The following YWHAG variants were observed in gnomAD, a reference collection of about 807,000 sequenced individuals.
YWHAG encodes the protein 14-3-3 protein gamma.
A neutral mutation model predicts 23.3 loss-of-function variants in YWHAG; 1 was observed. The observed-to-expected ratio is 0.04, with a 90% CI of 0.02 to 0.20. The LOEUF is 0.20. YWHAG is among the 10% of genes least tolerant of loss of function. The pLI is 1.00. For synonymous variants in YWHAG, 160 were observed against 144.0 expected, an observed-to-expected ratio of 1.11 and a Z score of -0.80; for missense variants, 151 against 338.6, an observed-to-expected ratio of 0.45 and a Z score of 4.35.
At chr7:76,345,621 C>T (rs1175418723) in intron 1 of YWHAG, among the ~76,000 whole-genome samples, 1 of 152,048 alleles carries the variant, frequency 6.6e-6, no homozygotes, top group Non-Finnish European at 1.5e-5. Flanking sequence ...CCTACTCTTC[C>T]CCATTAACAT....
chr7:76,343,886 A>G (rs1803736377), intron 1 of YWHAG, among the ~76,000 whole-genome samples: 1 of 152,184 alleles, frequency 6.6e-6, no homozygotes, highest in Admixed American at 6.5e-5. Context: ...GAATTAACAA[A>G]TATTTGTTTG....
intron 1 of YWHAG, among the ~76,000 whole-genome samples, chr7:76,356,272 C>T (rs79355949): frequency 6.6e-6 from 1 of 152,232 alleles, no homozygotes; most frequent in East Asian, 1.9e-4. Flanking sequence ...TTATTGAATC[C>T]GCACAACTTT....
rs1325654739 is a variant in YWHAG, at chr7:76,358,863, G to A, written c.-55C>T. The A allele has an allele frequency of 2.7e-6, 4 of 1,498,942 alleles. No homozygotes were observed. Among genetic ancestry groups the A allele is most frequent in the Middle Eastern group, 1.8e-4 (1 of 5,484 alleles). The allele number at this position is 1,498,942 out of a possible 1,614,324, so 92.9% of individuals were successfully genotyped here. ...GAGGAGGACACTGGGGCGGCCTGAA[G>A]GGCTTGGAGGGCGCGACTGGAGCCC... On this transcript the variant is annotated 5_prime_UTR_variant, in exon 1 of 2. Transcript: ENST00000307630.
rs1563660806 is a variant in YWHAG, at chr7:76,327,990, CAATT to C, written c.*1583_*1586del. The stretch of plus-strand genomic sequence containing the variant: ...GCAAAAGCATCTGTCAGTTTTTCCT[CAATT>C]ACTCACACCTCTTCTTGCCTAAATA... On this transcript the variant is annotated 3_prime_UTR_variant, in exon 2 of 2. Coordinates refer to ENST00000307630, the MANE Select transcript of YWHAG (RefSeq NM_012479.4). The C allele has an allele frequency of 6.6e-6, 1 of 152,052 alleles. No homozygotes were observed. Among genetic ancestry groups the C allele is most frequent in the Non-Finnish European group, 1.5e-5 (1 of 68,022 alleles). The allele number at this position is 152,052 out of a possible 1,614,324, so 9.4% of individuals were successfully genotyped here.
chr7:76,333,122 C>T (rs1032547036), intron 1 of YWHAG, among the ~76,000 whole-genome samples: 3 of 152,010 alleles, frequency 2.0e-5, no homozygotes, highest in African/African-American at 7.3e-5. Context: ...GCACATGCCA[C>T]CACACCCAGC....
intron 1 of YWHAG, among the ~76,000 whole-genome samples, chr7:76,344,866 T>C (rs1054368736): frequency 6.6e-6 from 1 of 152,230 alleles, no homozygotes; most frequent in Admixed American, 6.5e-5. Context: ...TACTCTTGAA[T>C]ACTGTCCTTT....
chr7:76,346,874 T>C (rs1052885903), intron 1 of YWHAG, among the ~76,000 whole-genome samples: 2 of 152,170 alleles, frequency 1.3e-5, no homozygotes, highest in African/African-American at 4.8e-5. Flanking sequence ...CCTGTTAACC[T>C]CTTTCAACTC....
intron 1 of YWHAG, 111 bp downstream of exon 1, chr7:76,358,611 G>C: frequency 9.2e-7 from 1 of 1,092,378 alleles, no homozygotes; most frequent in South Asian, 1.6e-5. Context: ...TGAGCGAGAC[G>C]GGGCGGTCAA....
At chr7:76,358,639 G>C (rs1804001141) in intron 1 of YWHAG, 83 bp downstream of exon 1, 1 of 1,366,230 alleles carries the variant, frequency 7.3e-7, no homozygotes, top group African/African-American at 1.5e-5. Flanking sequence ...TCGCGACAGG[G>C]CGACGAAGCC....
At chr7:76,353,737 G>T (rs1274758712) in intron 1 of YWHAG, among the ~76,000 whole-genome samples, 2 of 152,082 alleles carry the variant, frequency 1.3e-5, no homozygotes, top group African/African-American at 4.8e-5. Flanking sequence ...AGCTGGTATT[G>T]GTAGCCTTTG....
intron 1 of YWHAG, among the ~76,000 whole-genome samples, chr7:76,346,910 G>A (rs184768839): frequency 3.9e-5 from 6 of 152,144 alleles, no homozygotes; most frequent in Admixed American, 2.6e-4. Flanking sequence ...CTCAAAAAGC[G>A]CACCACCACA....
intron 1 of YWHAG, among the ~76,000 whole-genome samples, chr7:76,344,908 C>T (rs1220088590): frequency 6.6e-6 from 1 of 152,178 alleles, no homozygotes; most frequent in African/African-American, 2.4e-5. Flanking sequence ...AGGCTTTAGT[C>T]CTTCCCTGCA....
Position 76,328,689 on chromosome 7 carries a change from C to G in YWHAG, c.*888G>C, listed in dbSNP as rs1403750536. On this transcript the variant is annotated 3_prime_UTR_variant, in exon 2 of 2. Coordinates refer to ENST00000307630, the MANE Select transcript of YWHAG (RefSeq NM_012479.4). ...GGGATGTTCTCTGAAAATACCAACA[C>G]GATCCATGACATACAGACCTGAATT... The G allele has an allele frequency of 2.0e-5, 3 of 152,138 alleles. No homozygotes were observed. Among genetic ancestry groups the G allele is most frequent in the Non-Finnish European group, 4.4e-5 (3 of 68,040 alleles). The allele number at this position is 152,138 out of a possible 1,614,324, so 9.4% of individuals were successfully genotyped here.
intron 1 of YWHAG, among the ~76,000 whole-genome samples, chr7:76,336,752 G>A (rs922421061): frequency 4.0e-5 from 6 of 150,168 alleles, no homozygotes; most frequent in South Asian, 2.1e-4. Flanking sequence ...CACGGTGCCC[G>A]GTCTTTTTTT....
At chr7:76,336,666 G>A (rs1200195678) in intron 1 of YWHAG, among the ~76,000 whole-genome samples, 2 of 151,904 alleles carry the variant, frequency 1.3e-5, no homozygotes, top group Non-Finnish European at 2.9e-5. Flanking sequence ...ACGTTGGCCA[G>A]GCTGGTCTCG....
chr7:76,343,222 G>T (rs1803725905), intron 1 of YWHAG, among the ~76,000 whole-genome samples: 1 of 150,432 alleles, frequency 6.6e-6, no homozygotes, highest in African/African-American at 2.4e-5. Flanking sequence ...CTTTATTAAG[G>T]TATCTACTGG....
chr7:76,342,840 T>TA (rs1029393973), intron 1 of YWHAG, among the ~76,000 whole-genome samples: 5 of 151,730 alleles, frequency 3.3e-5, no homozygotes, highest in African/African-American at 7.3e-5. Flanking sequence ...ATTAAACTGT[T>TA]AAAAAAAATT....
rs543267868 is a variant in YWHAG, at chr7:76,328,017, A to C, written c.*1560T>G. 1.6e-3 allele frequency: 246 copies of C among 152,278 alleles called. 2 individuals carry two copies. The highest frequency in any genetic ancestry group is 5.7e-3 in the African/African-American group (238 of 41,548). 9.4% of individuals were successfully genotyped at this position (152,278 alleles called of 1,614,324 possible). A position where few individuals can be genotyped will look rare whatever the true frequency, so the allele number is the denominator to read the frequency against. ...ATTACTCACACCTCTTCTTGCCTAA[A>C]TAAAACAAAGAAACAAAGAAAACAA... On this transcript the variant is annotated 3_prime_UTR_variant, in exon 2 of 2. Transcript: ENST00000307630.
At chr7:76,342,075 T>C (rs1465982918) in intron 1 of YWHAG, among the ~76,000 whole-genome samples, 1 of 152,196 alleles carries the variant, frequency 6.6e-6, no homozygotes, top group African/African-American at 2.4e-5. Flanking sequence ...GACCTCTGGC[T>C]CTTACATTTA....
Sources: allele counts gnomAD v4.1 joint callset (sites outside exome capture counted in the v4.1 genomes callset), GRCh38; gene constraint gnomAD v4.1.1; transcripts MANE v1.5; gene names NCBI Gene and HGNC (gene_info 2026-07-23, HGNC 2026-07-21).